Variants in ZNF107 observed in about 807,000 individuals in gnomAD.
The protein encoded by ZNF107 is zinc finger protein 107.
In ZNF107, 19 loss-of-function variants were observed where a neutral mutation model predicts 12.3. The ratio of observed to expected loss-of-function variants is 1.55; its 90% CI spans 1.08 to 2.27. The LOEUF is 2.27. ZNF107 is among the 30% of genes most tolerant of loss of function. ZNF107 has a pLI of 0.00. For missense variants in ZNF107, 958 were observed against 979.9 expected, an observed-to-expected ratio of 0.98 and a Z score of 0.30; for synonymous variants, 317 against 330.5, an observed-to-expected ratio of 0.96 and a Z score of 0.44.
rs1020646758 is a variant in ZNF107 at position 64,670,954 on chromosome 7, C to T, written c.3+4669C>T. 2.6e-5 allele frequency among the ~76,000 whole-genome samples: 4 copies of T among 152,146 alleles called. No homozygotes were observed. In the South Asian group the frequency reaches 6.2e-4, roughly 24 times the overall value. On this transcript the variant is annotated intron_variant, in intron 1 of 3. Transcript: ENST00000620827. ...TTTTGACTGGCATCTGCAGTGAGGACAGTGTTGTGGGACTGAGCCCTGAAT... is the reference window on the plus strand; with the variant it reads ...TTTTGACTGGCATCTGCAGTGAGGATAGTGTTGTGGGACTGAGCCCTGAAT...
intron 3 of ZNF107, among the ~76,000 whole-genome samples, chr7:64,702,014 TTC>T (rs973570964): frequency 1.3e-5 from 2 of 152,228 alleles, no homozygotes; most frequent in African/African-American, 4.8e-5. Context: ...ATGTTTTTTC[TTC>T]TGTTTTCTTC....
chr7:64,688,897 A>G (rs1790018832), intron 1 of ZNF107, among the ~76,000 whole-genome samples: 1 of 152,140 alleles, frequency 6.6e-6, no homozygotes, highest in Non-Finnish European at 1.5e-5. Flanking sequence ...CCAATCAATA[A>G]TCAATCTTAT....
chr7:64,675,858 G>T (rs937597096), intron 1 of ZNF107, among the ~76,000 whole-genome samples: 2 of 152,060 alleles, frequency 1.3e-5, no homozygotes, highest in Non-Finnish European at 2.9e-5. Flanking sequence ...TCAGGTGCAG[G>T]TGTTTGTTTT....
chr7:64,686,439 A>AC (rs527966238), intron 1 of ZNF107: 1 of 870,198 alleles, frequency 1.1e-6, no homozygotes, highest in Non-Finnish European at 1.4e-6. Context: ...CCTCAATGTC[A>AC]CCCCCACCCC....
chr7:64,700,504 A>G (rs896593575), intron 3 of ZNF107, among the ~76,000 whole-genome samples: 7 of 106,330 alleles, frequency 6.6e-5, no homozygotes, highest in Non-Finnish European at 1.2e-4. Flanking sequence ...AGCCAAATAA[A>G]CCTTTTTTTT....
At chr7:64,683,149 GTCTC>G (rs768766850) in intron 1 of ZNF107, among the ~76,000 whole-genome samples, 10 of 152,176 alleles carry the variant, frequency 6.6e-5, no homozygotes, top group Non-Finnish European at 1.5e-4. Context: ...AACTCACGCT[GTCTC>G]TCTCTAAGGG....
At chr7:64,678,387 TGTATGAA>T (rs1789510184) in intron 1 of ZNF107, among the ~76,000 whole-genome samples, 1 of 152,240 alleles carries the variant, frequency 6.6e-6, no homozygotes, top group South Asian at 2.1e-4. Context: ...CGAGGTTCAG[TGTATGAA>T]CCGAACAGTG....
chr7:64,707,904 A>C lies in ZNF107; in HGVS notation c.1807A>C (p.Lys603Gln). 6.2e-7 allele frequency: 1 copy of C among 1,613,844 alleles called. No individual in the cohort carries two copies. Residue 603 changes from lysine to glutamine, a missense_variant, in exon 4 of 4, where the codon AAA becomes CAA. Coordinates refer to ENST00000620827, the MANE Select transcript of ZNF107 (RefSeq NM_001282359.2). Reference protein sequence around the residue: ...NKCEEFGKAFKQSSHRTIHKI... With the variant: ...NKCEEFGKAFQQSSHRTIHKI... ...ATGTGAAGAATTTGGCAAGGCCTTT[A>C]AACAGTCCTCACACCGTACTATACA...
In ZNF107 at chr7:64,666,153, C is replaced by T. The variant is rs941386417; in HGVS notation, c.-130C>T. On this transcript the variant is annotated 5_prime_UTR_variant, in exon 1 of 4. Transcript: ENST00000620827. ...GCGGGGCCTTTGTCTCTGGCTGCAG[C>T]CGGAGCTCCTGCTCTCCTCCTCACT... 53 of 1,286,804 alleles carry T rather than the reference C, an allele frequency of 4.1e-5. No individual in the cohort carries two copies. The highest frequency in any genetic ancestry group is 7.1e-5 in the South Asian group (6 of 84,582). The allele number at this position is 1,286,804 out of a possible 1,614,324, so 79.7% of individuals were successfully genotyped here. A position where few individuals can be genotyped will look rare whatever the true frequency, so the allele number is the denominator to read the frequency against.
At position 64,707,962 on chromosome 7, in the gene ZNF107, A is replaced by C; in HGVS notation, c.1865A>C (p.Lys622Thr). 6.2e-7 allele frequency: 1 copy of C among 1,613,652 alleles called. No homozygotes were observed. The highest frequency in any genetic ancestry group is 8.5e-7 in the Non-Finnish European group (1 of 1,179,758). Residue 622 changes from lysine to threonine, a missense_variant, in exon 4 of 4, where the codon AAA (lysine) becomes ACA (threonine). Physicochemically the swap from Lys to Thr is moderately conservative, Grantham distance 78. Coordinates refer to ENST00000620827, the MANE Select transcript of ZNF107 (RefSeq NM_001282359.2). ...KIIHTGEKPY[K>T]CEEHGKVFNQ... ...ATTCATACTGGAGAGAAACCCTACA[A>C]ATGTGAAGAACATGGCAAAGTTTTT...
chr7:64,686,956 G>T, intron 1 of ZNF107: 4 of 985,392 alleles, frequency 4.1e-6, no homozygotes, highest in Non-Finnish European at 4.8e-6. Flanking sequence ...CTGAGAATAT[G>T]CCCCCCGTTA....
At chr7:64,666,371 C>T in intron 1 of ZNF107, 86 bp downstream of exon 1, 4 of 1,546,710 alleles carry the variant, frequency 2.6e-6, no homozygotes, top group Non-Finnish European at 2.6e-6. Context: ...ACTCGGGCCT[C>T]CAAAGTCCGC....
intron 1 of ZNF107, among the ~76,000 whole-genome samples, chr7:64,682,425 G>C (rs755808692): frequency 6.6e-6 from 1 of 152,010 alleles, no homozygotes; most frequent in Non-Finnish European, 1.5e-5. Flanking sequence ...GCTTACAAAA[G>C]GCAACCTAGC....
At chr7:64,693,319 T>G (rs896924013) in intron 3 of ZNF107, among the ~76,000 whole-genome samples, 11 of 151,300 alleles carry the variant, frequency 7.3e-5, no homozygotes, top group Non-Finnish European at 1.6e-4. Context: ...GGCCAGTTTT[T>G]TTTTTTTTTT....
At chr7:64,675,921 C>T (rs913327789) in intron 1 of ZNF107, among the ~76,000 whole-genome samples, 3 of 152,176 alleles carry the variant, frequency 2.0e-5, no homozygotes, top group Admixed American at 6.5e-5. Context: ...GGCACAATCT[C>T]GGCTCACTGC....
intron 1 of ZNF107, chr7:64,679,261 C>T: frequency 1.0e-6 from 1 of 985,102 alleles, no homozygotes; most frequent in Non-Finnish European, 1.2e-6. Context: ...CTTCCCCCGA[C>T]TTCTTGAAGA....
intron 1 of ZNF107, chr7:64,686,971 T>C: frequency 1.0e-6 from 1 of 985,460 alleles, no homozygotes; most frequent in South Asian, 4.7e-5. Context: ...CCGTTATTCA[T>C]AATGCTCATG....
chr7:64,706,355 G>T lies in ZNF107; in HGVS notation c.258G>T (p.Trp86Cys), dbSNP rs1019180840. 2 of 1,588,602 alleles carry T rather than the reference G, an allele frequency of 1.3e-6. No individual in the cohort carries two copies. The highest frequency in any genetic ancestry group is 1.7e-6 in the Non-Finnish European group (2 of 1,166,302). The change falls in exon 4 of 4, where the codon TGG becomes TGT. Residue 86 changes from tryptophan (W) to cysteine (C), a missense_variant. Transcript: ENST00000620827. ...CTTTTCATTTTGCCCAAGACCTTTGGCCAGAGCAGAACATAAAAGATTCTT... is the reference window on the plus strand; with the variant it reads ...CTTTTCATTTTGCCCAAGACCTTTGTCCAGAGCAGAACATAAAAGATTCTT... Reference protein sequence around the residue: ...VMSFHFAQDLWPEQNIKDSFQ... With the variant: ...VMSFHFAQDLCPEQNIKDSFQ...
intron 3 of ZNF107, among the ~76,000 whole-genome samples, chr7:64,696,377 T>G (rs1056401141): frequency 3.9e-5 from 6 of 152,098 alleles, no homozygotes; most frequent in African/African-American, 1.4e-4. Context: ...TAGCCAGGCA[T>G]GGTAGTGTGC....
Sources: allele counts gnomAD v4.1 joint callset (sites outside exome capture counted in the v4.1 genomes callset), GRCh38; gene constraint gnomAD v4.1.1; transcripts MANE v1.5; gene names NCBI Gene and HGNC (gene_info 2026-07-23, HGNC 2026-07-21).